Variants in PATJ observed in about 807,000 individuals in gnomAD.
The protein encoded by PATJ is PATJ crumbs cell polarity complex component.
PATJ carries 190 observed loss-of-function variants against 224.9 expected under a neutral mutation model. That is an observed-to-expected ratio of 0.84 (90% CI 0.75 to 0.95). The LOEUF (loss-of-function observed/expected upper bound fraction) is 0.95, where lower values mean the gene tolerates loss of function less well. Among genes scored for constraint, PATJ ranks in the 40% least tolerant of loss-of-function variants. The pLI is 0.00. For missense variants in PATJ, 2,121 were observed against 2,270.3 expected (o/e 0.93, Z 1.34); for synonymous variants, 769 against 820.3 (o/e 0.94, Z 1.07).
intron 39 of PATJ, among the ~76,000 whole-genome samples, chr1:62,126,990 C>T (rs1665783924): frequency 6.6e-6 from 1 of 152,016 alleles, no homozygotes; most frequent in African/African-American, 2.4e-5. Context: ...GAGATGGAGG[C>T]TTTAAGAGGT....
At chr1:61,957,133 T>C (rs1429690317) in intron 27 of PATJ, among the ~76,000 whole-genome samples, 1 of 152,208 alleles carries the variant, frequency 6.6e-6, no homozygotes, top group Non-Finnish European at 1.5e-5. Context: ...TAAACCTTAT[T>C]TGAACTGATG....
chr1:62,157,706 C>T lies in PATJ; in HGVS notation c.5503-3202C>T, dbSNP rs1238480747. ...ATTAGCCGGGCATGGTGGCAGGTGC[C>T]TCCAATCCCAGCTACTCAGGAGGCT... is the stretch of plus-strand genomic sequence containing the variant. On this transcript the variant is annotated intron_variant, in intron 43 of 43. Coordinates refer to ENST00000642238, the MANE Select transcript of PATJ (RefSeq NM_001350145.3). Among the ~76,000 whole-genome samples the T allele has an allele frequency of 1.4e-5, 2 of 148,004 alleles. 1 individual carries two copies. The highest frequency in any genetic ancestry group is 1.4e-4 in the Admixed American group (2 of 13,944).
At position 62,114,219 on chromosome 1, in the gene PATJ, G is replaced by T. The variant is rs12140153; in HGVS notation, c.4628G>T (p.Gly1543Val). The change falls in exon 35 of 44, where the codon GGC becomes GTC. Residue 1543 changes from glycine to valine, a missense_variant. Physicochemically the swap from Gly to Val is moderately radical, Grantham distance 109. Transcript: ENST00000642238. The stretch of plus-strand genomic sequence containing the variant: ...GATCTGCAGAAGAAAGCTGGCCGGG[G>T]CCTGGGCCTGAGCATCGTTGGGAAA... ...PVDLQKKAGRGLGLSIVGKRN... is the reference protein window; with the variant it reads ...PVDLQKKAGRVLGLSIVGKRN... 0.08 allele frequency: 128,750 copies of T among 1,613,800 alleles called. 5,976 individuals carry two copies. Among genetic ancestry groups the T allele is most frequent in the Non-Finnish European group, 0.095 (112,129 of 1,179,766 alleles).
At chr1:61,843,417 G>T (rs1310736349) in intron 17 of PATJ, among the ~76,000 whole-genome samples, 1 of 152,088 alleles carries the variant, frequency 6.6e-6, no homozygotes, top group African/African-American at 2.4e-5. Flanking sequence ...AGTAATATTT[G>T]CTTTATAAGA....
chr1:62,051,044 G>A lies in PATJ; in HGVS notation c.4111G>A (p.Glu1371Lys). The A allele has an allele frequency of 6.2e-7, 1 of 1,612,054 alleles. No homozygotes were observed. The change falls in exon 31 of 44, where the codon GAA becomes AAA. Residue 1371 changes from glutamate to lysine, a missense_variant. Physicochemically the swap from Glu to Lys is moderately conservative, Grantham distance 56. Coordinates refer to ENST00000642238, the MANE Select transcript of PATJ (RefSeq NM_001350145.3). ...EVGIKQLPES[E>K]SFKLAVSQMK... is the part of the protein sequence containing the mutation. ...TGGTATTAAACAATTGCCTGAAAGTGAAAGCTTCAAACTGGTGAGAATCTT... is the reference window on the plus strand; with the variant it reads ...TGGTATTAAACAATTGCCTGAAAGTAAAAGCTTCAAACTGGTGAGAATCTT...
At chr1:61,999,015 T>G (rs1272358177) in intron 28 of PATJ, among the ~76,000 whole-genome samples, 3 of 152,218 alleles carry the variant, frequency 2.0e-5, no homozygotes, top group Middle Eastern at 6.8e-3. Flanking sequence ...TGAGCCAAAT[T>G]ATCTTAAAAT....
rs763439809 is a variant in PATJ at position 61,769,379 on chromosome 1, G to A, written c.481G>A (p.Asp161Asn). Reference sequence around the variant, plus strand: ...CAGAAGTCAAAATCTCGGAAAAGTTGATATCTTCGTGAAGGATGTCCAGCC... The same window carrying A: ...CAGAAGTCAAAATCTCGGAAAAGTTAATATCTTCGTGAAGGATGTCCAGCC... ...ALRSQNLGKV[D>N]IFVKDVQPGS... The change falls in exon 5 of 44, where the codon GAT becomes AAT. Residue 161 changes from aspartate (D) to asparagine (N), a missense_variant. Physicochemically the swap from Asp to Asn is conservative, Grantham distance 23. Transcript: ENST00000642238. 1 of 1,614,064 alleles carries A rather than the reference G, an allele frequency of 6.2e-7. No homozygotes were observed. The highest frequency in any genetic ancestry group is 1.1e-5 in the South Asian group (1 of 91,068).
chr1:61,956,799 A>G (rs1680502934), intron 27 of PATJ, among the ~76,000 whole-genome samples: 1 of 152,212 alleles, frequency 6.6e-6, no homozygotes, highest in Admixed American at 6.5e-5. Context: ...ATTGGATTTG[A>G]TTTATTGCTA....
chr1:62,101,839 T>C (rs1662215721), intron 33 of PATJ, among the ~76,000 whole-genome samples: 1 of 152,152 alleles, frequency 6.6e-6, no homozygotes, highest in South Asian at 2.1e-4. Flanking sequence ...CTTTCACTGA[T>C]TATGTTCTTC....
chr1:61,873,552 G>C (rs1222688108), intron 20 of PATJ, among the ~76,000 whole-genome samples: 1 of 152,200 alleles, frequency 6.6e-6, no homozygotes, highest in Non-Finnish European at 1.5e-5. Context: ...GCTATAACAA[G>C]ATACCATTAA....
intron 1 of PATJ, among the ~76,000 whole-genome samples, chr1:61,751,239 T>C (rs527937851): frequency 1.8e-4 from 28 of 152,068 alleles, no homozygotes; most frequent in African/African-American, 6.7e-4. Flanking sequence ...TGGCCTCAAG[T>C]GATCCGTCTC....
intron 22 of PATJ, 147 bp from the exon 23 acceptor site, chr1:61,899,436 A>G (rs1670818903): frequency 4.2e-6 from 2 of 472,250 alleles, no homozygotes; most frequent in South Asian, 3.9e-5. Context: ...TTTGCTTTGC[A>G]TATTTATTGA....
chr1:62,121,378 CT>C, intron 38 of PATJ, 83 bp downstream of exon 38: 1 of 819,732 alleles, frequency 1.2e-6, no homozygotes, highest in East Asian at 2.7e-5. Context: ...AACCAGTCTT[CT>C]TTAATATAAA....
Position 61,864,350 on chromosome 1 carries a change from G to C in PATJ, c.2552G>C (p.Trp851Ser), listed in dbSNP as rs767208933. Residue 851 changes from tryptophan (W) to serine (S), a missense_variant, in exon 20 of 44, where the codon TGG (tryptophan) becomes TCG (serine). By Grantham distance (177) the Trp-to-Ser change is radical (BLOSUM62 -3). Transcript: ENST00000642238. ...GAGATAGAGCAAAGCAAGGAGGCCT[G>C]GGAGATGCATGAATTTCTGACTCCT... ...QKEIEQSKEA[W>S]EMHEFLTPRL... The C allele has an allele frequency of 6.2e-7, 1 of 1,614,092 alleles. No homozygotes were observed. Among genetic ancestry groups the C allele is most frequent in the East Asian group, 2.2e-5 (1 of 44,886 alleles).
intron 20 of PATJ, among the ~76,000 whole-genome samples, chr1:61,871,457 GTA>G (rs369494133): frequency 0.011 from 138 of 12,438 alleles, 3 homozygotes; most frequent in East Asian, 0.045. Flanking sequence ...ATATATATGC[GTA>G]TATATATGTA....
intron 42 of PATJ, among the ~76,000 whole-genome samples, chr1:62,152,275 AG>A (rs1668704778): frequency 6.6e-6 from 1 of 152,186 alleles, no homozygotes; most frequent in African/African-American, 2.4e-5. Context: ...CATCCTCCCA[AG>A]GGAGGCAGGA....
At chr1:62,149,523 A>T (rs1321720595) in intron 42 of PATJ, among the ~76,000 whole-genome samples, 2 of 151,960 alleles carry the variant, frequency 1.3e-5, no homozygotes, top group African/African-American at 4.8e-5. Context: ...CCTTTTTCTC[A>T]TTATAAAAGT....
At chr1:61,902,226 GAAA>G (rs68061861) in intron 24 of PATJ, among the ~76,000 whole-genome samples, 3 of 144,008 alleles carry the variant, frequency 2.1e-5, no homozygotes, top group East Asian at 2.0e-4. Flanking sequence ...CTCAAAGCAG[GAAA>G]AAAAAAAAAA....
At chr1:61,743,110 G>C (rs1290546489) in intron 1 of PATJ, among the ~76,000 whole-genome samples, 1 of 152,220 alleles carries the variant, frequency 6.6e-6, no homozygotes, top group Non-Finnish European at 1.5e-5. Context: ...GGCGACTTGG[G>C]CCCGGCCGCG....
Sources: allele counts gnomAD v4.1 joint callset (sites outside exome capture counted in the v4.1 genomes callset), GRCh38; gene constraint gnomAD v4.1.1; transcripts MANE v1.5; gene names NCBI Gene and HGNC (gene_info 2026-07-23, HGNC 2026-07-21).